Variants in UST observed in about 807,000 individuals in gnomAD.
The protein encoded by UST is chondroitin sulfate 2-O-sulfotransferase.
A neutral mutation model predicts 45.6 loss-of-function variants in UST; 21 were observed. That is an observed-to-expected ratio of 0.46 (90% CI 0.33 to 0.66). The LOEUF is 0.66. Among genes scored for constraint, UST ranks in the 30% least tolerant of loss-of-function variants. The pLI is 0.02. For synonymous variants in UST, 215 were observed against 200.6 expected (o/e 1.07, Z -0.61); for missense variants, 463 against 512.4 (o/e 0.90, Z 0.93).
At position 148,964,443 on chromosome 6, in the gene UST, C is replaced by A; in HGVS notation, c.561C>A (p.Ile187=). The change falls in exon 5 of 8, where the codon ATC becomes ATA. Residue 187 remains isoleucine (I), a synonymous_variant. Coordinates refer to ENST00000367463, the MANE Select transcript of UST (RefSeq NM_005715.3). ...GAGACCAGCCTGTCTACATCAACAT[C>A]ATTAGAGACCCCGTCAACCGGTTCT... is the stretch of plus-strand genomic sequence containing the variant. The part of the protein sequence containing the change: ...FGGDQPVYIN[I]IRDPVNRFLS... The A allele has an allele frequency of 6.2e-7, 1 of 1,614,196 alleles. No homozygotes were observed. Among genetic ancestry groups the A allele is most frequent in the East Asian group, 2.2e-5 (1 of 44,874 alleles).
Position 148,748,006 on chromosome 6 carries a change from G to A in UST, c.247+329G>A, listed in dbSNP as rs1365245590. Among the ~76,000 whole-genome samples the A allele has an allele frequency of 6.6e-6, 1 of 152,206 alleles. No individual in the cohort carries two copies. The highest frequency in any genetic ancestry group is 2.4e-5 in the African/African-American group (1 of 41,462). ...GTGGATGGGTGTGTGGGGTGTGCCG[G>A]AGTGTGTGTATCTTCAGGCCTGGCG... On this transcript the variant is annotated intron_variant, in intron 1 of 7. Coordinates refer to ENST00000367463, the MANE Select transcript of UST (RefSeq NM_005715.3). The surrounding 1 kb of genome is among the most constrained non-coding windows in gnomAD (Gnocchi z 5.3).
chr6:148,937,756 C>T (rs1387475939), intron 2 of UST, among the ~76,000 whole-genome samples: 7 of 152,102 alleles, frequency 4.6e-5, no homozygotes, highest in African/African-American at 9.7e-5. Context: ...CTTGCTATTC[C>T]GTAATGTGCT....
intron 1 of UST, among the ~76,000 whole-genome samples, chr6:148,870,604 C>T (rs911827855): frequency 1.3e-5 from 2 of 152,158 alleles, no homozygotes; most frequent in African/African-American, 2.4e-5. Context: ...TTGCTGTCAG[C>T]GTCCCTCTTT....
At chr6:149,036,121 G>A (rs1044111717) in intron 7 of UST, among the ~76,000 whole-genome samples, 6 of 152,176 alleles carry the variant, frequency 3.9e-5, no homozygotes, top group Admixed American at 6.5e-5. Flanking sequence ...TTAGCAAATC[G>A]GTATGGAGCC....
chr6:148,810,441 G>A (rs1401452207), intron 1 of UST, among the ~76,000 whole-genome samples: 1 of 152,174 alleles, frequency 6.6e-6, no homozygotes, highest in East Asian at 1.9e-4. Context: ...AATAAGTATT[G>A]TATGTAGATA....
intron 2 of UST, among the ~76,000 whole-genome samples, chr6:148,916,671 C>T (rs1779596668): frequency 1.3e-5 from 2 of 152,182 alleles, no homozygotes; most frequent in African/African-American, 2.4e-5. Context: ...TGAGTCACAT[C>T]CCTTGTGGGA....
intron 7 of UST, among the ~76,000 whole-genome samples, chr6:149,042,608 G>C (rs1044710892): frequency 3.3e-5 from 5 of 152,294 alleles, no homozygotes; most frequent in African/African-American, 1.2e-4. Flanking sequence ...TGGATGTCCA[G>C]GCGTGGCCTG....
At chr6:149,009,104 C>T (rs1187711813) in intron 5 of UST, among the ~76,000 whole-genome samples, 1 of 152,132 alleles carries the variant, frequency 6.6e-6, no homozygotes, top group African/African-American at 2.4e-5. Context: ...ACTTAGTTTC[C>T]TCAGAGAGAT....
intron 5 of UST, among the ~76,000 whole-genome samples, chr6:148,989,194 T>C (rs1582945963): frequency 6.7e-6 from 1 of 149,578 alleles, no homozygotes; most frequent in East Asian, 2.0e-4. Flanking sequence ...GTGGAATTAC[T>C]TGACTTCAGT....
intron 7 of UST, among the ~76,000 whole-genome samples, chr6:149,038,874 T>A (rs1449453726): frequency 6.6e-6 from 1 of 152,190 alleles, no homozygotes; most frequent in Non-Finnish European, 1.5e-5. Flanking sequence ...AGTGATGCAA[T>A]GAAATATAGT....
intron 1 of UST, among the ~76,000 whole-genome samples, chr6:148,838,333 C>G (rs1166748172): frequency 6.6e-6 from 1 of 152,142 alleles, no homozygotes; most frequent in Non-Finnish European, 1.5e-5. Context: ...GGGACAGTGC[C>G]AGGACACGAG....
chr6:149,019,907 C>T (rs534253143), intron 6 of UST, among the ~76,000 whole-genome samples: 65 of 152,280 alleles, frequency 4.3e-4, no homozygotes, highest in African/African-American at 1.6e-3. Flanking sequence ...TAGCAGCCTC[C>T]CCAGATGCTT....
intron 7 of UST, among the ~76,000 whole-genome samples, chr6:149,027,209 A>G (rs1209705676): frequency 6.6e-6 from 1 of 152,250 alleles, no homozygotes; most frequent in African/African-American, 2.4e-5. Flanking sequence ...TATGTAGAAG[A>G]AAACTTTTAA....
intron 1 of UST, among the ~76,000 whole-genome samples, chr6:148,858,948 G>T (rs983195406): frequency 1.3e-5 from 2 of 149,706 alleles, no homozygotes; most frequent in African/African-American, 2.5e-5. Context: ...GAATAGTGCC[G>T]CAATAAACAT....
intron 1 of UST, among the ~76,000 whole-genome samples, chr6:148,878,539 ATGTATGAGTGTGGGGGATCG>A (rs1778758343): frequency 2.1e-5 from 1 of 48,180 alleles, no homozygotes; most frequent in Non-Finnish European, 3.7e-5. Flanking sequence ...GCGGGGGGTC[ATGTATGAGTGTGGGGGATCG>A]TGTATGAGTA....
chr6:148,922,653 TC>T (rs1779734580), intron 2 of UST, among the ~76,000 whole-genome samples: 7 of 151,262 alleles, frequency 4.6e-5, no homozygotes, highest in Admixed American at 3.9e-4. Context: ...TTTTGTATTT[TC>T]TATAGAGACA....
intron 7 of UST, among the ~76,000 whole-genome samples, chr6:149,029,392 TA>T (rs1265552588): frequency 1.4e-5 from 2 of 144,884 alleles, no homozygotes; most frequent in East Asian, 3.9e-4. Context: ...TATTGTATGT[TA>T]TATATTATAT....
At chr6:148,844,273 G>T (rs1163967671) in intron 1 of UST, among the ~76,000 whole-genome samples, 1 of 152,198 alleles carries the variant, frequency 6.6e-6, no homozygotes, top group Non-Finnish European at 1.5e-5. Flanking sequence ...GCCCTGGGAG[G>T]TAAGGCTGTT....
At chr6:149,043,693 C>G (rs376905753) in intron 7 of UST, among the ~76,000 whole-genome samples, 21 of 152,394 alleles carry the variant, frequency 1.4e-4, no homozygotes, top group African/African-American at 5.0e-4. Flanking sequence ...GCCCTGAGGC[C>G]GGCCATCTTG....
Sources: allele counts gnomAD v4.1 joint callset (sites outside exome capture counted in the v4.1 genomes callset), GRCh38; gene constraint gnomAD v4.1.1; non-coding constraint Gnocchi (gnomAD v3.1); transcripts MANE v1.5; gene names NCBI Gene and HGNC (gene_info 2026-07-23, HGNC 2026-07-21).